Variants in FLT1 observed in about 807,000 individuals in gnomAD.
The protein encoded by FLT1 is vascular endothelial growth factor receptor 1.
FLT1 carries 49 observed loss-of-function variants against 156.3 expected under a neutral mutation model. That is an observed-to-expected ratio of 0.31 (90% confidence interval 0.25 to 0.40). The LOEUF is 0.40. FLT1 is among the 10% of genes least tolerant of loss of function. FLT1 has a pLI of 1.00. For synonymous variants in FLT1, 594 were observed against 583.8 expected (o/e 1.02, Z -0.25); for missense variants, 1,322 against 1,637.2 (o/e 0.81, Z 3.32).
At position 28,425,729 on chromosome 13, in the gene FLT1, GT is replaced by G. The variant is rs929712747; in HGVS notation, c.1436+1429del. Among the ~76,000 whole-genome samples the G allele has an allele frequency of 7.3e-3, 1,088 of 149,158 alleles. 17 individuals are homozygous for G. The highest frequency in any genetic ancestry group is 0.024 in the African/African-American group (982 of 40,794). ...CGAATCTAATAGCTTCAATTATTTA[GT>G]TTTTTTTTTATTTATTTGCATGTTA... On this transcript the variant is annotated intron_variant, in intron 10 of 29. Transcript: ENST00000282397.
intron 14 of FLT1, among the ~76,000 whole-genome samples, chr13:28,376,495 C>T (rs1229204339): frequency 6.6e-6 from 1 of 152,212 alleles, no homozygotes; most frequent in Non-Finnish European, 1.5e-5. Flanking sequence ...TCAAGATTGC[C>T]TTCTGTTTTC....
At chr13:28,316,849 C>T (rs1327633553) in intron 25 of FLT1, among the ~76,000 whole-genome samples, 3 of 152,070 alleles carry the variant, frequency 2.0e-5, no homozygotes, top group Non-Finnish European at 2.9e-5. Context: ...TCTCGAACTC[C>T]TGACCTCAAG....
At chr13:28,489,820 T>C (rs899663677) in intron 1 of FLT1, among the ~76,000 whole-genome samples, 1 of 152,180 alleles carries the variant, frequency 6.6e-6, no homozygotes, top group Non-Finnish European at 1.5e-5. Flanking sequence ...AGGAAAAGGA[T>C]ACCAAGTGCT....
chr13:28,351,247 A>G (rs1252473534), intron 15 of FLT1, among the ~76,000 whole-genome samples: 1 of 152,166 alleles, frequency 6.6e-6, no homozygotes, highest in Non-Finnish European at 1.5e-5. Flanking sequence ...TTGTTATTAT[A>G]ATTTGAGTAA....
intron 1 of FLT1, among the ~76,000 whole-genome samples, chr13:28,482,639 G>T (rs1331142124): frequency 6.6e-6 from 1 of 152,100 alleles, no homozygotes; most frequent in African/African-American, 2.4e-5. Flanking sequence ...GCAATTCCAT[G>T]CCCATCGGTT....
intron 12 of FLT1, among the ~76,000 whole-genome samples, chr13:28,394,615 T>G (rs890846532): frequency 2.0e-5 from 3 of 152,152 alleles, no homozygotes; most frequent in Non-Finnish European, 4.4e-5. Context: ...AATAAGGAAG[T>G]GAGCATGATG....
chr13:28,378,940 A>G (rs1873959843), intron 14 of FLT1, among the ~76,000 whole-genome samples: 1 of 152,246 alleles, frequency 6.6e-6, no homozygotes, highest in African/African-American at 2.4e-5. Context: ...GTAACACCAG[A>G]GAACAATGAA....
At chr13:28,303,499 C>CCA (rs1555297833) in intron 29 of FLT1, 131 bp from the exon 30 acceptor site, 4 of 789,994 alleles carry the variant, frequency 5.1e-6, no homozygotes, top group African/African-American at 3.4e-5. Flanking sequence ...GGAACCCCCC[C>CCA]CCCCTCAATT....
At chr13:28,305,638 T>A (rs949860959) in intron 29 of FLT1, among the ~76,000 whole-genome samples, 1 of 152,248 alleles carries the variant, frequency 6.6e-6, no homozygotes, top group Non-Finnish European at 1.5e-5. Context: ...TACTTGATGA[T>A]GTATTGTCTA....
At position 28,434,165 on chromosome 13, in the gene FLT1, T is replaced by C. The variant is rs1291942412; in HGVS notation, c.569A>G (p.Lys190Arg). The C allele has an allele frequency of 6.2e-7, 1 of 1,614,098 alleles. No homozygotes were observed. Among genetic ancestry groups the C allele is most frequent in the Admixed American group, 1.7e-5 (1 of 60,024 alleles). Residue 190 changes from lysine (K) to arginine (R), a missense_variant, in exon 5 of 30, where the codon AAG (lysine) becomes AGG (arginine). By Grantham distance (26) the Lys-to-Arg change is conservative. Coordinates refer to ENST00000282397, the MANE Select transcript of FLT1 (RefSeq NM_002019.4). ...CGTTGCATTTGATATGATGAAGCCC[T>C]TTCTACTGTCCCAGATTATGCGTTT... ...DGKRIIWDSR[K>R]GFIISNATYK...
Position 28,494,974 on chromosome 13 carries a change from A to T in FLT1, c.-131T>A. 1 of 644,186 alleles carries T rather than the reference A, an allele frequency of 1.6e-6. No homozygotes were observed. Among genetic ancestry groups the T allele is most frequent in the Non-Finnish European group, 2.4e-6 (1 of 411,460 alleles). The allele number at this position is 644,186 out of a possible 1,614,324, so 39.9% of individuals were successfully genotyped here. A position where few individuals can be genotyped will look rare whatever the true frequency, so the allele number is the denominator to read the frequency against. On this transcript the variant is annotated 5_prime_UTR_variant, in exon 1 of 30. Coordinates refer to ENST00000282397, the MANE Select transcript of FLT1 (RefSeq NM_002019.4). Reference sequence around the variant, plus strand: ...GAGCGCCCGTCTCGCGGCTCCAGCCAGGAGACAACCACTTCCCCGGGTAAT... The same window carrying T: ...GAGCGCCCGTCTCGCGGCTCCAGCCTGGAGACAACCACTTCCCCGGGTAAT...
At chr13:28,364,618 G>A (rs543505908) in intron 14 of FLT1, among the ~76,000 whole-genome samples, 1 of 152,262 alleles carries the variant, frequency 6.6e-6, no homozygotes, top group Middle Eastern at 3.4e-3. Flanking sequence ...ATGGTGTGAA[G>A]TAAGGACCTA....
intron 10 of FLT1, among the ~76,000 whole-genome samples, chr13:28,413,891 G>C (rs1876480352): frequency 6.6e-6 from 1 of 152,188 alleles, no homozygotes; most frequent in African/African-American, 2.4e-5. Flanking sequence ...TAACATCCTA[G>C]TTATGTAACT....
intron 17 of FLT1, among the ~76,000 whole-genome samples, chr13:28,335,665 C>A (rs888203597): frequency 6.6e-6 from 1 of 152,196 alleles, no homozygotes; most frequent in African/African-American, 2.4e-5. Context: ...TCTGCAGGGA[C>A]ATGCTCTGCA....
chr13:28,380,810 A>G (rs909506840), intron 14 of FLT1, among the ~76,000 whole-genome samples: 1 of 152,166 alleles, frequency 6.6e-6, no homozygotes, highest in Non-Finnish European at 1.5e-5. Flanking sequence ...TGTATAAATG[A>G]GGTGGGTCAG....
At chr13:28,357,392 A>C (rs1044468319) in intron 15 of FLT1, among the ~76,000 whole-genome samples, 162 bp downstream of exon 15, 1 of 152,200 alleles carries the variant, frequency 6.6e-6, no homozygotes, top group African/African-American at 2.4e-5. Flanking sequence ...TGCCAGACAG[A>C]ACCAGACAGT....
At chr13:28,321,372 A>T (rs543923774) in intron 23 of FLT1, 91 bp downstream of exon 23, 3 of 1,454,712 alleles carry the variant, frequency 2.1e-6, no homozygotes, top group East Asian at 2.3e-5. Flanking sequence ...GTTTTCAGGG[A>T]CTACAGCTGA....
At chr13:28,457,023 G>A (rs1879305954) in intron 3 of FLT1, among the ~76,000 whole-genome samples, 1 of 152,194 alleles carries the variant, frequency 6.6e-6, no homozygotes, top group African/African-American at 2.4e-5. Flanking sequence ...ATGTCTCACT[G>A]TAGGTTCATT....
At chr13:28,344,063 A>C (rs1872463301) in intron 16 of FLT1, among the ~76,000 whole-genome samples, 1 of 150,650 alleles carries the variant, frequency 6.6e-6, no homozygotes, top group African/African-American at 2.4e-5. Context: ...TTTTCCAGAC[A>C]TATATCTGTC....
Sources: allele counts gnomAD v4.1 joint callset (sites outside exome capture counted in the v4.1 genomes callset), GRCh38; gene constraint gnomAD v4.1.1; transcripts MANE v1.5; gene names NCBI Gene and HGNC (gene_info 2026-07-23, HGNC 2026-07-21).